The following GRID1 variants were observed in gnomAD, a reference collection of about 807,000 sequenced individuals.
GRID1 encodes the protein glutamate receptor ionotropic, delta-1.
Under a neutral mutation model 98.0 loss-of-function variants are expected in GRID1, and 28 were observed. That is an observed-to-expected ratio of 0.29 (90% CI 0.21 to 0.39). GRID1 has a LOEUF of 0.39. Ranked by LOEUF, GRID1 falls within the 10% of genes least tolerant of loss-of-function variation. GRID1 has a pLI of 1.00. For missense variants in GRID1, 1,111 were observed against 1,340.5 expected, an observed-to-expected ratio of 0.83 and a Z score of 2.67; for synonymous variants, 553 against 538.5, an observed-to-expected ratio of 1.03 and a Z score of -0.37.
At chr10:85,996,533 T>C (rs1460353004) in intron 4 of GRID1, among the ~76,000 whole-genome samples, 1 of 152,130 alleles carries the variant, frequency 6.6e-6, no homozygotes, top group Non-Finnish European at 1.5e-5. Context: ...TAGTAATGAT[T>C]CAGTCAGAAC....
intron 8 of GRID1, among the ~76,000 whole-genome samples, chr10:85,824,642 C>T (rs1250444579): frequency 6.6e-6 from 1 of 152,142 alleles, no homozygotes; most frequent in Non-Finnish European, 1.5e-5. Context: ...ATCTGTTACC[C>T]AAGTAGTGTA....
At chr10:85,953,724 G>A (rs559781175) in intron 4 of GRID1, among the ~76,000 whole-genome samples, 1 of 152,324 alleles carries the variant, frequency 6.6e-6, no homozygotes, top group Admixed American at 6.5e-5. Context: ...TGTATAGGTA[G>A]TCTCTGATGT....
chr10:86,070,245 CAGCCTTGGA>C (rs1440589042), intron 4 of GRID1, among the ~76,000 whole-genome samples: 1 of 152,148 alleles, frequency 6.6e-6, no homozygotes, highest in East Asian at 1.9e-4. Flanking sequence ...AACAGCCATC[CAGCCTTGGA>C]AGAAGGCATT....
At chr10:85,670,380 T>C (rs1841071160) in intron 12 of GRID1, among the ~76,000 whole-genome samples, 1 of 152,212 alleles carries the variant, frequency 6.6e-6, no homozygotes, top group Non-Finnish European at 1.5e-5. Flanking sequence ...GAATGGGATT[T>C]CAATGGGCTT....
intron 2 of GRID1, among the ~76,000 whole-genome samples, chr10:86,270,824 A>G (rs1847174811): frequency 6.6e-6 from 1 of 152,228 alleles, no homozygotes; most frequent in Non-Finnish European, 1.5e-5. Flanking sequence ...ATATGGAGCA[A>G]TGGTTTTTCA....
chr10:86,268,338 G>C (rs1016647561), intron 2 of GRID1, among the ~76,000 whole-genome samples: 1 of 152,204 alleles, frequency 6.6e-6, no homozygotes, highest in Non-Finnish European at 1.5e-5. Flanking sequence ...CCTCTCTACC[G>C]GTATCACCAA....
chr10:86,207,349 C>G (rs879149743), intron 2 of GRID1, among the ~76,000 whole-genome samples: 1 of 152,174 alleles, frequency 6.6e-6, no homozygotes, highest in Non-Finnish European at 1.5e-5. Flanking sequence ...AAGACGTTCC[C>G]GCCACTCAGG....
intron 8 of GRID1, among the ~76,000 whole-genome samples, chr10:85,736,046 A>G (rs118135676): frequency 0.019 from 2,143 of 112,720 alleles, 28 homozygotes; most frequent in East Asian, 0.061. Context: ...AGGGAGGGAG[A>G]AAGGAAAGAA....
chr10:85,770,320 C>T (rs1397142022), intron 8 of GRID1, among the ~76,000 whole-genome samples: 5 of 152,112 alleles, frequency 3.3e-5, no homozygotes, highest in Non-Finnish European at 5.9e-5. Flanking sequence ...ACCAAAAACC[C>T]ATCTATACAT....
intron 12 of GRID1, among the ~76,000 whole-genome samples, chr10:85,712,858 A>T (rs757800212): frequency 5.3e-5 from 8 of 151,836 alleles, no homozygotes; most frequent in Non-Finnish European, 1.0e-4. Context: ...TACTAAAAAA[A>T]ATTCTTGAGG....
At chr10:85,830,202 A>G (rs2131760755) in intron 8 of GRID1, among the ~76,000 whole-genome samples, 1 of 152,296 alleles carries the variant, frequency 6.6e-6, no homozygotes, top group Non-Finnish European at 1.5e-5. Flanking sequence ...GAAACAAGCA[A>G]TGGGGGAGGG....
chr10:86,231,247 A>T (rs1589419760), intron 2 of GRID1, among the ~76,000 whole-genome samples: 1 of 152,208 alleles, frequency 6.6e-6, no homozygotes, highest in Admixed American at 6.5e-5. Flanking sequence ...TCTGCTGGAA[A>T]TCTGAAGATA....
chr10:86,060,072 G>A (rs905813236), intron 4 of GRID1, among the ~76,000 whole-genome samples: 5 of 152,148 alleles, frequency 3.3e-5, no homozygotes, highest in African/African-American at 1.2e-4. Context: ...TGGCAATGAT[G>A]GGGCCTGGGA....
intron 8 of GRID1, among the ~76,000 whole-genome samples, chr10:85,752,497 G>A (rs1842057531): frequency 1.3e-5 from 2 of 152,138 alleles, no homozygotes; most frequent in African/African-American, 4.8e-5. Context: ...TTTGACAAGT[G>A]GAGATACAGA....
At chr10:86,255,605 G>A (rs557518805) in intron 2 of GRID1, among the ~76,000 whole-genome samples, 27 of 152,278 alleles carry the variant, frequency 1.8e-4, no homozygotes, top group African/African-American at 5.8e-4. Context: ...TCTCTTGCCC[G>A]GTGCCCAGCC....
At chr10:85,806,844 T>C (rs776648922) in intron 8 of GRID1, among the ~76,000 whole-genome samples, 3 of 152,154 alleles carry the variant, frequency 2.0e-5, no homozygotes, top group East Asian at 1.9e-4. Context: ...TTCTAGTGCT[T>C]AAATAGGGTG....
In GRID1 at chr10:86,345,421, G is replaced by A. The variant is rs116571548; in HGVS notation, c.235+18520C>T. Reference sequence around the variant, plus strand: ...CTGCTTCCCATCCAGGGAGAAGCCAGCTAGCCTAGCAGCCTGGTCCTCCTC... The same window carrying A: ...CTGCTTCCCATCCAGGGAGAAGCCAACTAGCCTAGCAGCCTGGTCCTCCTC... On this transcript the variant is annotated intron_variant, in intron 2 of 15. Coordinates refer to ENST00000327946, the MANE Select transcript of GRID1 (RefSeq NM_017551.3). Among the ~76,000 whole-genome samples the A allele has an allele frequency of 3.4e-3, 524 of 152,330 alleles. 2 individuals are homozygous for A. The highest frequency in any genetic ancestry group is 0.012 in the African/African-American group (503 of 41,568).
intron 4 of GRID1, among the ~76,000 whole-genome samples, chr10:86,011,017 G>T (rs1842918929): frequency 6.6e-6 from 1 of 152,076 alleles, no homozygotes; most frequent in Non-Finnish European, 1.5e-5. Context: ...GACAGGGTAG[G>T]TGCAGGAGAT....
chr10:86,188,189 T>C (rs1208306641), intron 3 of GRID1, among the ~76,000 whole-genome samples: 1 of 152,218 alleles, frequency 6.6e-6, no homozygotes, highest in East Asian at 1.9e-4. Flanking sequence ...GAAAGATAAG[T>C]TAATTCAAAG....
Sources: allele counts gnomAD v4.1 joint callset (sites outside exome capture counted in the v4.1 genomes callset), GRCh38; gene constraint gnomAD v4.1.1; transcripts MANE v1.5; gene names NCBI Gene and HGNC (gene_info 2026-07-23, HGNC 2026-07-21).